Variants in EPHA6 observed in about 807,000 individuals in gnomAD.
EPHA6 encodes the protein ephrin type-A receptor 6.
Under a neutral mutation model 112.0 loss-of-function variants are expected in EPHA6, and 50 were observed. That is an observed-to-expected ratio of 0.45 (90% CI 0.36 to 0.56). The LOEUF (loss-of-function observed/expected upper bound fraction) is 0.56. EPHA6 is among the 20% of genes least tolerant of loss of function. EPHA6 has a pLI of 0.00. For synonymous variants in EPHA6, 529 were observed against 490.7 expected (o/e 1.08, Z -1.03); for missense variants, 1,280 against 1,417.4 (o/e 0.90, Z 1.56).
intron 2 of EPHA6, among the ~76,000 whole-genome samples, chr3:96,918,445 A>G (rs2039593270): frequency 6.6e-6 from 1 of 152,114 alleles, no homozygotes; most frequent in South Asian, 2.1e-4. Context: ...GGCATTACGT[A>G]TTGGATACAA....
chr3:97,636,651 A>C (rs952095458), intron 13 of EPHA6, among the ~76,000 whole-genome samples: 7 of 152,158 alleles, frequency 4.6e-5, no homozygotes, highest in African/African-American at 1.7e-4. Flanking sequence ...ACAATGAATC[A>C]TCATTGTATA....
chr3:97,468,732 T>C (rs775716092), intron 7 of EPHA6, among the ~76,000 whole-genome samples: 2 of 151,742 alleles, frequency 1.3e-5, no homozygotes, highest in Non-Finnish European at 3.0e-5. Flanking sequence ...ACAAATCAAG[T>C]AAGAAAACTG....
chr3:97,626,519 G>T (rs138293819), intron 13 of EPHA6, among the ~76,000 whole-genome samples: 1 of 151,836 alleles, frequency 6.6e-6, no homozygotes, highest in African/African-American at 2.4e-5. Flanking sequence ...GATCATTCAG[G>T]TAACAGACCG....
In EPHA6 at chr3:97,510,844, C is replaced by A. The variant is rs185314703; in HGVS notation, c.2201-21514C>A. Among the ~76,000 whole-genome samples, 8 of 152,344 alleles carry A rather than the reference C, an allele frequency of 5.3e-5. No homozygotes were observed. The South Asian group carries it at 1.2e-3, about 24-fold the overall frequency. ...GGAGATAGGGACTTTTATCTATAAG[C>A]CCCTGACTGGGACTGCTTCCTTTCT... On this transcript the variant is annotated intron_variant, in intron 10 of 17. Coordinates refer to ENST00000389672, the MANE Select transcript of EPHA6 (RefSeq NM_001080448.3).
At chr3:96,854,399 C>T (rs532689705) in intron 1 of EPHA6, among the ~76,000 whole-genome samples, 1 of 151,778 alleles carries the variant, frequency 6.6e-6, no homozygotes, top group South Asian at 2.1e-4. Flanking sequence ...AGGATGGTCT[C>T]AATCCGTTGA....
At chr3:96,945,614 G>GT (rs2041215282) in intron 2 of EPHA6, among the ~76,000 whole-genome samples, 1 of 151,956 alleles carries the variant, frequency 6.6e-6, no homozygotes. Flanking sequence ...ATTTTTCTAG[G>GT]TTTTTTGGAG....
At chr3:97,648,175 C>A in intron 14 of EPHA6, 1 of 508,322 alleles carries the variant, frequency 2.0e-6, no homozygotes, top group South Asian at 4.0e-5. Flanking sequence ...CTGACAGCAG[C>A]AATTCAGTCG....
intron 5 of EPHA6, among the ~76,000 whole-genome samples, chr3:97,332,739 C>T (rs1014404868): frequency 6.6e-6 from 1 of 152,060 alleles, no homozygotes; most frequent in Non-Finnish European, 1.5e-5. Context: ...CACTGAATTA[C>T]TTTTAAACTT....
intron 10 of EPHA6, among the ~76,000 whole-genome samples, chr3:97,502,691 G>T (rs1244822107): frequency 6.6e-6 from 1 of 151,270 alleles, no homozygotes; most frequent in Non-Finnish European, 1.5e-5. Flanking sequence ...AAAATTAGCT[G>T]GGCATGGTGG....
chr3:97,736,125 G>T lies in EPHA6; in HGVS notation c.3128+7G>T. ...TGGTGGAGGACATCCTTGTGTAAGA[G>T]GCATAATGTTGAGTTTTTTTCTTCT... On this transcript the variant is annotated splice_region_variant and intron_variant, in intron 16 of 17. Transcript: ENST00000389672. The T allele has an allele frequency of 6.2e-7, 1 of 1,600,188 alleles. No homozygotes were observed. The highest frequency in any genetic ancestry group is 8.5e-7 in the Non-Finnish European group (1 of 1,171,182).
chr3:96,989,580 G>A (rs1234008407), intron 3 of EPHA6, among the ~76,000 whole-genome samples: 1 of 152,050 alleles, frequency 6.6e-6, no homozygotes, highest in Non-Finnish European at 1.5e-5. Context: ...CCTGAGACTG[G>A]GTAATTTATG....
intron 11 of EPHA6, among the ~76,000 whole-genome samples, chr3:97,542,712 C>A (rs531051581): frequency 1.3e-5 from 2 of 152,336 alleles, no homozygotes; most frequent in East Asian, 3.9e-4. Context: ...GTCCCACCAA[C>A]AGTGAAAAAG....
At chr3:97,034,878 G>T (rs888189872) in intron 3 of EPHA6, among the ~76,000 whole-genome samples, 6 of 151,812 alleles carry the variant, frequency 4.0e-5, no homozygotes, top group African/African-American at 1.2e-4. Flanking sequence ...AGCAATTAAG[G>T]TTCCTCACAC....
chr3:96,837,688 G>T (rs376373020), intron 1 of EPHA6, among the ~76,000 whole-genome samples: 4 of 151,842 alleles, frequency 2.6e-5, no homozygotes, highest in African/African-American at 9.7e-5. Context: ...ATCATTTTTG[G>T]TGTATTATGA....
Position 97,309,599 on chromosome 3 carries a change from TGGTAG to T in EPHA6, c.1606+65313_1606+65317del, listed in dbSNP as rs1360776580. Among the ~76,000 whole-genome samples, 3 of 151,648 alleles carry T rather than the reference TGGTAG, an allele frequency of 2.0e-5. No individual in the cohort carries two copies. The East Asian group carries it at 5.8e-4, about 29-fold the overall frequency. On this transcript the variant is annotated intron_variant, in intron 5 of 17. Transcript: ENST00000389672. Reference sequence around the variant, plus strand: ...ATAGTTACTGAATTAATTTAAAAATTGGTAGTTTACTGGTAACATATTTAAGTACT... The same window carrying T: ...ATAGTTACTGAATTAATTTAAAAATTTTTACTGGTAACATATTTAAGTACT...
At chr3:96,986,569 C>A (rs137877038) in intron 2 of EPHA6, among the ~76,000 whole-genome samples, 1 of 152,184 alleles carries the variant, frequency 6.6e-6, no homozygotes, top group Non-Finnish European at 1.5e-5. Flanking sequence ...TTCTAGCCAC[C>A]CACTTAAAAT....
chr3:97,646,116 C>T (rs2107594049), intron 14 of EPHA6: 1 of 1,522,578 alleles, frequency 6.6e-7, no homozygotes, highest in South Asian at 1.2e-5. Context: ...TTTGCCAATT[C>T]AGAGACCCAC....
intron 13 of EPHA6, among the ~76,000 whole-genome samples, chr3:97,634,406 C>G (rs2093928577): frequency 6.6e-6 from 1 of 151,080 alleles, no homozygotes; most frequent in Admixed American, 6.6e-5. Flanking sequence ...ATTTTATAAA[C>G]AGTAGATAGA....
intron 10 of EPHA6, among the ~76,000 whole-genome samples, chr3:97,530,548 T>C (rs1415866325): frequency 6.6e-6 from 1 of 151,810 alleles, no homozygotes; most frequent in Non-Finnish European, 1.5e-5. Flanking sequence ...TCTTTTTTTT[T>C]TCAGTGAAGT....
Sources: allele counts gnomAD v4.1 joint callset (sites outside exome capture counted in the v4.1 genomes callset), GRCh38; gene constraint gnomAD v4.1.1; transcripts MANE v1.5; gene names NCBI Gene and HGNC (gene_info 2026-07-23, HGNC 2026-07-21).